Variants in WDR49 observed in about 807,000 individuals in gnomAD.
The protein encoded by WDR49 is WD repeat domain 49, also known as cilia- and flagella-associated protein 337.
In WDR49, 107 loss-of-function variants were observed where a neutral mutation model predicts 119.5. That is an observed-to-expected ratio of 0.90 (90% CI 0.77 to 1.05). The LOEUF (loss-of-function observed/expected upper bound fraction) is 1.05. Among genes scored for constraint, WDR49 ranks in the 50% least tolerant of loss-of-function variants. The probability of loss-of-function intolerance (pLI) is 0.00; values close to 1 mark genes in which losing one functional copy is unlikely to be tolerated. For missense variants in WDR49, 1,240 were observed against 1,220.5 expected (o/e 1.02, Z -0.24); for synonymous variants, 425 against 418.8 (o/e 1.01, Z -0.18).
At chr3:167,656,705 G>T (rs988718064), upstream of WDR49, among the ~76,000 whole-genome samples, 1 of 152,066 alleles carries the variant, frequency 6.6e-6, no homozygotes, top group African/African-American at 2.4e-5. Context: ...GGCTTAAATG[G>T]CTCTAACCTT....
chr3:167,516,237 T>A (rs1486342731), intron 16 of WDR49, among the ~76,000 whole-genome samples: 1 of 150,824 alleles, frequency 6.6e-6, no homozygotes, highest in East Asian at 1.9e-4. Context: ...CTCCAAATGC[T>A]ATCCCTCCAC....
chr3:167,517,198 A>C (rs1456044425), intron 16 of WDR49, among the ~76,000 whole-genome samples: 1 of 152,192 alleles, frequency 6.6e-6, no homozygotes, highest in Non-Finnish European at 1.5e-5. Context: ...ACCAAAAAAG[A>C]GCCTGTATAG....
intron 2 of WDR49, among the ~76,000 whole-genome samples, chr3:167,638,523 G>T (rs1717727365): frequency 6.6e-6 from 1 of 151,492 alleles, no homozygotes; most frequent in South Asian, 2.1e-4. Flanking sequence ...AAAGCATATT[G>T]GTTATGAATA....
chr3:167,602,410 G>T, intron 6 of WDR49, 135 bp from the exon 7 acceptor site: 1 of 745,822 alleles, frequency 1.3e-6, no homozygotes, highest in Non-Finnish European at 2.0e-6. Flanking sequence ...CACCTGTTTT[G>T]CCATTGTCTA....
intron 5 of WDR49, among the ~76,000 whole-genome samples, chr3:167,616,049 C>T (rs1716581190): frequency 6.6e-6 from 1 of 152,186 alleles, no homozygotes; most frequent in African/African-American, 2.4e-5. Context: ...AGTTAAGTTT[C>T]TTGGGATGGA....
chr3:167,617,913 C>A (rs1716678890), intron 5 of WDR49, among the ~76,000 whole-genome samples: 1 of 152,146 alleles, frequency 6.6e-6, no homozygotes, highest in South Asian at 2.1e-4. Flanking sequence ...AACAAACTAC[C>A]AAGTAAACTT....
At chr3:167,638,172 T>G (rs1163874789) in intron 2 of WDR49, among the ~76,000 whole-genome samples, 1 of 151,646 alleles carries the variant, frequency 6.6e-6, no homozygotes, top group Admixed American at 6.6e-5. Context: ...AGGTATCTTG[T>G]ATGGACTAGA....
chr3:167,588,461 A>G (rs574424567), intron 7 of WDR49, among the ~76,000 whole-genome samples: 4 of 152,162 alleles, frequency 2.6e-5, no homozygotes, highest in Non-Finnish European at 5.9e-5. Flanking sequence ...TCTTTGGGGT[A>G]TATACCTAGT....
chr3:167,533,221 A>G (rs1267184674), intron 11 of WDR49, among the ~76,000 whole-genome samples: 1 of 152,104 alleles, frequency 6.6e-6, no homozygotes, highest in East Asian at 1.9e-4. Flanking sequence ...CTTTTATTTT[A>G]TGGTAATAAA....
intron 16 of WDR49, among the ~76,000 whole-genome samples, chr3:167,509,144 T>C (rs1163350933): frequency 1.3e-5 from 2 of 152,180 alleles, no homozygotes; most frequent in Non-Finnish European, 2.9e-5. Context: ...AATGAATCCC[T>C]TCCAGATAAG....
intron 9 of WDR49, 33 bp downstream of exon 9, chr3:167,560,031 T>C (rs1713168263): frequency 4.3e-6 from 7 of 1,612,118 alleles, no homozygotes; most frequent in Non-Finnish European, 5.9e-6. Context: ...AGTCTCCTCA[T>C]ATCTGGATAG....
intron 18 of WDR49, among the ~76,000 whole-genome samples, chr3:167,486,329 T>C (rs1205067605): frequency 6.6e-6 from 1 of 152,074 alleles, no homozygotes; most frequent in Non-Finnish European, 1.5e-5. Flanking sequence ...CAGTTCACTA[T>C]AAAGCAACTA....
At chr3:167,599,179 T>C (rs1715642009) in intron 7 of WDR49, among the ~76,000 whole-genome samples, 1 of 152,050 alleles carries the variant, frequency 6.6e-6, no homozygotes, top group Non-Finnish European at 1.5e-5. Flanking sequence ...GGGCAGTTAG[T>C]TCCCTCAGGT....
intron 11 of WDR49, among the ~76,000 whole-genome samples, chr3:167,534,013 C>T (rs1219420125): frequency 6.6e-6 from 1 of 151,858 alleles, no homozygotes; most frequent in Admixed American, 6.6e-5. Context: ...CATGGTGAAA[C>T]CCCGTCTCTA....
intron 8 of WDR49, 35 bp from the exon 9 acceptor site, chr3:167,560,263 T>C (rs1713188931): frequency 6.3e-7 from 1 of 1,585,230 alleles, no homozygotes; most frequent in Non-Finnish European, 8.6e-7. Context: ...AAATTAAATA[T>C]AGTCTCAGAA....
At chr3:167,641,279 TA>T (rs1230056173) in intron 2 of WDR49, among the ~76,000 whole-genome samples, 6 of 151,986 alleles carry the variant, frequency 3.9e-5, no homozygotes, top group Non-Finnish European at 5.9e-5. Context: ...TCCCTACTTC[TA>T]AGAACATTTG....
intron 18 of WDR49, among the ~76,000 whole-genome samples, chr3:167,492,491 C>A (rs1021462473): frequency 2.6e-5 from 4 of 151,982 alleles, no homozygotes; most frequent in Non-Finnish European, 5.9e-5. Context: ...AATAGTAAGT[C>A]CCACATTGTA....
chr3:167,602,077 A>G, intron 7 of WDR49, 50 bp downstream of exon 7: 2 of 1,531,612 alleles, frequency 1.3e-6, no homozygotes, highest in Non-Finnish European at 1.8e-6. Flanking sequence ...TGATTTGGGT[A>G]GGAATCGGGG....
chr3:167,566,440 T>C (rs990771315), intron 8 of WDR49, among the ~76,000 whole-genome samples: 3 of 152,218 alleles, frequency 2.0e-5, no homozygotes, highest in African/African-American at 7.2e-5. Context: ...TAGGATGTAT[T>C]GTTACGTATA....
Sources: allele counts gnomAD v4.1 joint callset (sites outside exome capture counted in the v4.1 genomes callset), GRCh38; gene constraint gnomAD v4.1.1; transcripts MANE v1.5; gene names NCBI Gene and HGNC (gene_info 2026-07-23, HGNC 2026-07-21).